The following SORBS2 variants were observed in gnomAD, a reference collection of about 807,000 sequenced individuals.
The protein encoded by SORBS2 is sorbin and SH3 domain containing 2.
Under a neutral mutation model 97.7 loss-of-function variants are expected in SORBS2, and 46 were observed. The ratio of observed to expected loss-of-function variants is 0.47; its 90% CI spans 0.37 to 0.60. SORBS2 has a LOEUF of 0.60. SORBS2 is among the 20% of genes least tolerant of loss of function. The probability of loss-of-function intolerance (pLI) is 0.00; values close to 1 mark genes in which losing one functional copy is unlikely to be tolerated. For missense variants in SORBS2, 1,316 were observed against 1,282.3 expected, an observed-to-expected ratio of 1.03 and a Z score of -0.40; for synonymous variants, 476 against 473.4, an observed-to-expected ratio of 1.01 and a Z score of -0.07.
In SORBS2 at chr4:185,849,474, AT is replaced by A. The variant is rs35266876; in HGVS notation, c.-337-74109del. On this transcript the variant is annotated intron_variant, in intron 1 of 20. Transcript: ENST00000284776. Reference sequence around the variant, plus strand: ...GCCTGCCACTCTTCCTCTCCCTGCCATTTTTTTTTTTTTGAGATTCTGAGAA... The same window carrying A: ...GCCTGCCACTCTTCCTCTCCCTGCCATTTTTTTTTTTTGAGATTCTGAGAA... Among the ~76,000 whole-genome samples the A allele has an allele frequency of 6.1e-3, 895 of 147,148 alleles. 9 individuals carry two copies. The highest frequency in any genetic ancestry group is 0.021 in the African/African-American group (838 of 40,082).
intron 1 of SORBS2, among the ~76,000 whole-genome samples, chr4:185,935,110 T>C (rs2099268338): frequency 6.6e-6 from 1 of 152,182 alleles, no homozygotes; most frequent in South Asian, 2.1e-4. Flanking sequence ...CCCCAGTTCT[T>C]AAGAAAAATC....
chr4:185,684,934 AT>A lies in SORBS2; in HGVS notation c.-197-6113del. 1 of 970,476 alleles carries A rather than the reference AT, an allele frequency of 1.0e-6. No homozygotes were observed. Among genetic ancestry groups the A allele is most frequent in the Non-Finnish European group, 1.6e-6 (1 of 629,988 alleles). The allele number at this position is 970,476 out of a possible 1,614,324, so 60.1% of individuals were successfully genotyped here. On this transcript the variant is annotated intron_variant, in intron 2 of 20. Coordinates refer to the SORBS2 transcript ENST00000284776. This position sits in a 1 kb window ranked among gnomAD's most constrained non-coding sequence, Gnocchi z 4.2. ...GCGTTTTAAGAGAAATGTGCCAGAC[AT>A]CCATGAGAAAGATGAACAGTTAGAA...
chr4:185,889,279 G>C (rs1238285695), intron 1 of SORBS2, among the ~76,000 whole-genome samples: 1 of 152,054 alleles, frequency 6.6e-6, no homozygotes, highest in East Asian at 1.9e-4. Context: ...AACAGAATGA[G>C]GTGCAACAAT....
At position 185,623,066 on chromosome 4, in the gene SORBS2, T is replaced by C; in HGVS notation, c.2063A>G (p.His688Arg). 6.2e-7 allele frequency: 1 copy of C among 1,613,186 alleles called. No homozygotes were observed. The highest frequency in any genetic ancestry group is 2.2e-5 in the East Asian group (1 of 44,830). ...GGGAGGCAGTGGGTGGAGAGGCTGG[T>C]GCAGGGGGCTCCTCCTCAGCGCTCT... The change falls in exon 7 of 15, where the codon CAC becomes CGC. Residue 688 changes from histidine (H) to arginine (R), a missense_variant. Coordinates refer to ENST00000418609, the Ensembl canonical transcript of SORBS2. This position sits in a 1 kb window ranked among gnomAD's most constrained non-coding sequence, Gnocchi z 6.4.
Position 185,917,728 on chromosome 4 carries a change from C to T in SORBS2, c.-338+38468G>A, listed in dbSNP as rs147144097. On this transcript the variant is annotated intron_variant, in intron 1 of 20. Coordinates refer to the SORBS2 transcript ENST00000284776. ...GACTTGGGACTGAACCTTCAACCTG[C>T]GGGATCTGACACTATTTTCAGGTAG... 2.3e-3 allele frequency among the ~76,000 whole-genome samples: 348 copies of T among 152,166 alleles called. 3 individuals carry two copies. The highest frequency in any genetic ancestry group is 8.0e-3 in the African/African-American group (334 of 41,504).
At chr4:185,803,707 T>C (rs1012496012) in intron 1 of SORBS2, among the ~76,000 whole-genome samples, 1 of 152,176 alleles carries the variant, frequency 6.6e-6, no homozygotes, top group Admixed American at 6.5e-5. Flanking sequence ...ATGAGTTATA[T>C]TAGTCCTGTA....
intron 1 of SORBS2, among the ~76,000 whole-genome samples, chr4:185,939,671 T>C (rs978052551): frequency 2.0e-5 from 3 of 152,158 alleles, no homozygotes; most frequent in African/African-American, 4.8e-5. Context: ...CCACCACGCC[T>C]GGCTAATTTT....
At chr4:185,723,075 A>G (rs2098528337) in intron 2 of SORBS2, among the ~76,000 whole-genome samples, 1 of 152,170 alleles carries the variant, frequency 6.6e-6, no homozygotes, top group South Asian at 2.1e-4. Flanking sequence ...CACATGTAAG[A>G]GCTCAGAAAG....
exon 15 of SORBS2, chr4:185,587,077 T>C (rs1475361289): frequency 1.3e-5 from 2 of 153,614 alleles, no homozygotes; most frequent in Non-Finnish European, 2.9e-5. Flanking sequence ...TATTACAACA[T>C]GTATGTGCAG....
chr4:185,901,583 A>G (rs2099247822), intron 1 of SORBS2, among the ~76,000 whole-genome samples: 1 of 152,190 alleles, frequency 6.6e-6, no homozygotes, highest in Non-Finnish European at 1.5e-5. Context: ...GGGTTATTCT[A>G]TATTTATACT....
chr4:185,868,109 G>T (rs1407105459), intron 1 of SORBS2, among the ~76,000 whole-genome samples: 2 of 149,236 alleles, frequency 1.3e-5, no homozygotes, highest in African/African-American at 4.9e-5. Flanking sequence ...GTAACAAATA[G>T]AAATTAAAAG....
chr4:185,864,319 A>T (rs1198332758), intron 1 of SORBS2, among the ~76,000 whole-genome samples: 2 of 152,250 alleles, frequency 1.3e-5, no homozygotes, highest in Non-Finnish European at 2.9e-5. Flanking sequence ...GAAAGAGATT[A>T]AAAGCCCTGA....
intron 1 of SORBS2, among the ~76,000 whole-genome samples, chr4:185,818,971 A>G (rs1273590675): frequency 6.6e-6 from 1 of 152,174 alleles, no homozygotes; most frequent in Non-Finnish European, 1.5e-5. Context: ...TGAAGGACCC[A>G]TTATTCTCTT....
chr4:185,943,061 C>T (rs910965703), intron 1 of SORBS2, among the ~76,000 whole-genome samples: 1 of 152,144 alleles, frequency 6.6e-6, no homozygotes, highest in African/African-American at 2.4e-5. Context: ...TTTAATGCAA[C>T]AATAATTTTT....
At chr4:185,936,759 A>T (rs951308333) in intron 1 of SORBS2, among the ~76,000 whole-genome samples, 1 of 151,942 alleles carries the variant, frequency 6.6e-6, no homozygotes, top group Non-Finnish European at 1.5e-5. Flanking sequence ...TGCAATTTAC[A>T]GAAGATTTCC....
chr4:185,701,019 T>C (rs1412271128), intron 2 of SORBS2, among the ~76,000 whole-genome samples: 3 of 152,226 alleles, frequency 2.0e-5, no homozygotes, highest in Non-Finnish European at 2.9e-5. Context: ...TGTTGTTTCA[T>C]AATACTCTAA....
At chr4:185,752,064 G>A (rs2098803763) in intron 2 of SORBS2, among the ~76,000 whole-genome samples, 1 of 152,030 alleles carries the variant, frequency 6.6e-6, no homozygotes, top group South Asian at 2.1e-4. Flanking sequence ...CCCACAACCT[G>A]GCTCCAGATG....
In SORBS2 at chr4:185,709,304, C is replaced by CCTTTTTTTTTTTT. The variant is rs1554199361; in HGVS notation, c.-197-30483_-197-30482insAAAAAAAAAAAAG. On this transcript the variant is annotated intron_variant, in intron 2 of 20. Transcript: ENST00000284776. ...GCATGAGCCGCTGTGCTGGCCAAAT[C>CCTTTTTTTTTTTT]TTTTTTTTTTTTTTTTTTTTAGTAA... Among the ~76,000 whole-genome samples, 59 of 96,740 alleles carry CCTTTTTTTTTTTT rather than the reference C, an allele frequency of 6.1e-4. 9 individuals carry two copies. Among genetic ancestry groups the CCTTTTTTTTTTTT allele is most frequent in the South Asian group, 1.4e-3 (4 of 2,844 alleles). 63.5% of individuals were successfully genotyped at this position (96,740 alleles called of 152,430 possible).
chr4:185,654,653 T>C (rs1017361183), intron 1 of SORBS2, among the ~76,000 whole-genome samples: 3 of 152,222 alleles, frequency 2.0e-5, no homozygotes, highest in Admixed American at 2.0e-4. Context: ...AAAGAAGTAC[T>C]CTAAGCATTT....
Sources: allele counts gnomAD v4.1 joint callset (sites outside exome capture counted in the v4.1 genomes callset), GRCh38; gene constraint gnomAD v4.1.1; non-coding constraint Gnocchi (gnomAD v3.1); transcripts MANE v1.5; gene names NCBI Gene and HGNC (gene_info 2026-07-23, HGNC 2026-07-21).